Variants in GPHN observed in about 807,000 individuals in gnomAD.
The protein encoded by GPHN is gephyrin.
Under a neutral mutation model 95.5 loss-of-function variants are expected in GPHN, and 17 were observed. The observed-to-expected ratio is 0.18, with a 90% CI of 0.12 to 0.27. The LOEUF is 0.27. GPHN is among the 10% of genes least tolerant of loss of function. The probability of loss-of-function intolerance (pLI) is 1.00; values close to 1 mark genes in which losing one functional copy is unlikely to be tolerated. For synonymous variants in GPHN, 320 were observed against 322.5 expected, an observed-to-expected ratio of 0.99 and a Z score of 0.08; for missense variants, 660 against 978.1, an observed-to-expected ratio of 0.67 and a Z score of 4.34.
chr14:66,725,814 T>C (rs1420958024), intron 2 of GPHN, among the ~76,000 whole-genome samples: 3 of 152,262 alleles, frequency 2.0e-5, no homozygotes, highest in African/African-American at 7.2e-5. Flanking sequence ...AGAAAATATT[T>C]CTGTTTTGAA....
intron 5 of GPHN, among the ~76,000 whole-genome samples, chr14:66,906,895 T>C (rs1033200245): frequency 4.6e-5 from 7 of 152,180 alleles, no homozygotes; most frequent in Non-Finnish European, 8.8e-5. Context: ...GTCACAGATA[T>C]GGTCTATATT....
At chr14:67,313,669 T>C in the GPHN span, among the ~76,000 whole-genome samples, 1 of 152,202 alleles carries the variant, frequency 6.6e-6, no homozygotes, top group Non-Finnish European at 1.5e-5. Context: ...TCCATTTATT[T>C]GTTAATAAAT....
At chr14:66,588,371 A>C (rs538581093) in intron 1 of GPHN, among the ~76,000 whole-genome samples, 5 of 152,224 alleles carry the variant, frequency 3.3e-5, no homozygotes, top group African/African-American at 1.2e-4. Context: ...AAGGGAACAA[A>C]ACTGGAATGA....
the GPHN span, among the ~76,000 whole-genome samples, chr14:67,711,308 T>G: frequency 6.6e-6 from 1 of 152,220 alleles, no homozygotes; most frequent in Non-Finnish European, 1.5e-5. Flanking sequence ...TGACACCTTA[T>G]AGTGTTTGGC....
At chr14:66,813,911 C>G (rs962088005) in intron 3 of GPHN, among the ~76,000 whole-genome samples, 1 of 152,160 alleles carries the variant, frequency 6.6e-6, no homozygotes, top group African/African-American at 2.4e-5. Context: ...CACTGATGGA[C>G]CATGCCTGAC....
At chr14:67,199,649 G>C in the GPHN span, 1 of 1,577,834 alleles carries the variant, frequency 6.3e-7, no homozygotes, top group Non-Finnish European at 8.7e-7. Flanking sequence ...ACTTCTGGCA[G>C]CTCAGAACCC....
At chr14:67,349,063 A>G in the GPHN span, 1 of 1,614,148 alleles carries the variant, frequency 6.2e-7, no homozygotes, top group Non-Finnish European at 8.5e-7. Context: ...CTTCGCTCGA[A>G]TCTTCACTTG....
intron 2 of GPHN, among the ~76,000 whole-genome samples, chr14:66,713,123 T>C (rs2069820951): frequency 6.6e-6 from 1 of 152,218 alleles, no homozygotes; most frequent in Admixed American, 6.5e-5. Context: ...CTCTGCTGAC[T>C]GTTCCTTTTG....
chr14:67,356,614 C>T, the GPHN span, among the ~76,000 whole-genome samples: 6 of 152,120 alleles, frequency 3.9e-5, no homozygotes, highest in Non-Finnish European at 8.8e-5. Context: ...CTCAAAGTTA[C>T]TCAGTGAAGA....
chr14:67,728,685 C>A, the GPHN span, among the ~76,000 whole-genome samples: 13 of 150,018 alleles, frequency 8.7e-5, no homozygotes, highest in East Asian at 2.0e-4. Flanking sequence ...AAATAGTGAC[C>A]GCACCAGGGA....
the GPHN span, among the ~76,000 whole-genome samples, chr14:67,710,997 T>C: frequency 2.0e-5 from 3 of 152,200 alleles, no homozygotes; most frequent in Non-Finnish European, 2.9e-5. Flanking sequence ...TTAACTTAAC[T>C]GGCCCCATCT....
At chr14:67,048,284 A>G (rs1282416716) in intron 10 of GPHN, among the ~76,000 whole-genome samples, 3 of 152,182 alleles carry the variant, frequency 2.0e-5, no homozygotes, top group Non-Finnish European at 4.4e-5. Flanking sequence ...AGTGATTATA[A>G]CTGTACCATG....
At chr14:67,190,049 C>T in the GPHN span, among the ~76,000 whole-genome samples, 5 of 144,430 alleles carry the variant, frequency 3.5e-5, no homozygotes, top group Middle Eastern at 3.5e-3. Flanking sequence ...TTATAGGCAT[C>T]GCCCATCATG....
intron 12 of GPHN, among the ~76,000 whole-genome samples, chr14:67,093,654 G>T (rs917228725): frequency 6.6e-6 from 1 of 151,894 alleles, no homozygotes; most frequent in Admixed American, 6.6e-5. Context: ...CAATTAATAG[G>T]CATTTTCCCT....
chr14:66,733,024 T>A (rs10149592), intron 2 of GPHN, among the ~76,000 whole-genome samples: 49,626 of 151,950 alleles, frequency 0.33, 11,873 homozygotes, highest in African/African-American at 0.65. Flanking sequence ...TCCCCACCCA[T>A]ATCACATCTT....
At chr14:66,629,537 A>C (rs903852323) in intron 1 of GPHN, among the ~76,000 whole-genome samples, 1 of 152,158 alleles carries the variant, frequency 6.6e-6, no homozygotes, top group Non-Finnish European at 1.5e-5. Context: ...GGTACACCCT[A>C]AAATAATGAT....
At chr14:67,374,348 A>T in the GPHN span, 1 of 533,066 alleles carries the variant, frequency 1.9e-6, no homozygotes, top group Non-Finnish European at 3.3e-6. Context: ...TGTTGATAGG[A>T]TTTTAGTAGG....
At chr14:67,533,120 C>CTAAA in the GPHN span, among the ~76,000 whole-genome samples, 1 of 152,164 alleles carries the variant, frequency 6.6e-6, no homozygotes, top group Admixed American at 6.5e-5. Flanking sequence ...AGCGCTCTGC[C>CTAAA]TTTAAGGAGC....
the GPHN span, among the ~76,000 whole-genome samples, chr14:67,278,313 G>C: frequency 1.3e-5 from 2 of 151,596 alleles, no homozygotes; most frequent in Non-Finnish European, 2.9e-5. Context: ...TGGGATTACA[G>C]GCGTGAGCCA....
Sources: gnomAD v4.1 joint callset for allele counts (sites outside exome capture counted in the v4.1 genomes callset) on GRCh38, gnomAD v4.1.1 for gene constraint, MANE v1.5 for transcripts, NCBI Gene and HGNC (gene_info 2026-07-23, HGNC 2026-07-21) for gene names.